Variants in NOS1AP observed in about 807,000 individuals in gnomAD.
NOS1AP encodes the protein nitric oxide synthase 1 adaptor protein, also known as carboxyl-terminal PDZ ligand of neuronal nitric oxide synthase protein.
In NOS1AP, 21 loss-of-function variants were observed where a neutral mutation model predicts 56.2. The ratio of observed to expected loss-of-function variants is 0.37; its 90% CI spans 0.26 to 0.54. NOS1AP has a LOEUF of 0.54. NOS1AP is among the 20% of genes least tolerant of loss of function. NOS1AP has a pLI of 0.84. For missense variants in NOS1AP, 522 were observed against 657.8 expected (o/e 0.79, Z 2.26); for synonymous variants, 270 against 274.6 (o/e 0.98, Z 0.17).
In NOS1AP at chr1:162,368,145, G is replaced by A. The variant is rs1281884279; in HGVS notation, c.*678G>A. 6.6e-6 allele frequency: 1 copy of A among 152,428 alleles called. No individual in the cohort carries two copies. Among genetic ancestry groups the A allele is most frequent in the Non-Finnish European group, 1.5e-5 (1 of 68,150 alleles). The allele number at this position is 152,428 out of a possible 1,614,324, so 9.4% of individuals were successfully genotyped here. A position where few individuals can be genotyped will look rare whatever the true frequency, so the allele number is the denominator to read the frequency against. ...ATGTTGCTACAAAGGGAGCCTTGAA[G>A]CTTTAACATGGTTCAGGCCCTTGGT... On this transcript the variant is annotated 3_prime_UTR_variant, in exon 10 of 10. Transcript: ENST00000361897.
At chr1:162,083,660 G>A (rs145982936) in intron 1 of NOS1AP, among the ~76,000 whole-genome samples, 3 of 152,254 alleles carry the variant, frequency 2.0e-5, no homozygotes, top group South Asian at 2.1e-4. Context: ...TCAAAGTCAC[G>A]TAAATGCATT....
chr1:162,120,118 A>G (rs923248364), intron 1 of NOS1AP, among the ~76,000 whole-genome samples: 11 of 151,766 alleles, frequency 7.2e-5, no homozygotes, highest in African/African-American at 2.7e-4. Flanking sequence ...ATGTATATGT[A>G]TATGATATAT....
At chr1:162,118,794 G>A (rs1457444884) in intron 1 of NOS1AP, among the ~76,000 whole-genome samples, 1 of 152,202 alleles carries the variant, frequency 6.6e-6, no homozygotes, top group Non-Finnish European at 1.5e-5. Flanking sequence ...GGCTGTGCAA[G>A]AGATTGAGGT....
chr1:162,258,140 C>T (rs565725051), intron 2 of NOS1AP, among the ~76,000 whole-genome samples: 2 of 152,292 alleles, frequency 1.3e-5, no homozygotes, highest in South Asian at 4.1e-4. Flanking sequence ...TGCTCAGTCT[C>T]CCTCAGCCCT....
chr1:162,177,661 A>G (rs979054866), intron 2 of NOS1AP, among the ~76,000 whole-genome samples: 2 of 152,204 alleles, frequency 1.3e-5, no homozygotes, highest in Non-Finnish European at 2.9e-5. Context: ...TAACTAAATG[A>G]TGTGATTTTT....
chr1:162,132,396 A>C (rs535560526), intron 1 of NOS1AP, among the ~76,000 whole-genome samples: 1 of 152,382 alleles, frequency 6.6e-6, no homozygotes, highest in South Asian at 2.1e-4. Flanking sequence ...AAGTGATGCT[A>C]GTATGTAAAA....
At chr1:162,127,965 TG>T (rs766846593) in intron 1 of NOS1AP, among the ~76,000 whole-genome samples, 110 of 152,306 alleles carry the variant, frequency 7.2e-4, no homozygotes, top group East Asian at 5.8e-4. Flanking sequence ...GATTTGCTTA[TG>T]TTTTTTTTTG....
At chr1:162,213,809 A>C (rs1288025454) in intron 2 of NOS1AP, among the ~76,000 whole-genome samples, 1 of 152,128 alleles carries the variant, frequency 6.6e-6, no homozygotes, top group Admixed American at 6.5e-5. Context: ...GTAGTTCTGA[A>C]AGGCTCTCTT....
chr1:162,235,772 A>G (rs57227429), intron 2 of NOS1AP, among the ~76,000 whole-genome samples: 2,508 of 152,360 alleles, frequency 0.016, 53 homozygotes, highest in African/African-American at 0.056. Context: ...ACATGGGGCC[A>G]GTGTTCAAGG....
At chr1:162,070,321 G>GT in intron 1 of NOS1AP, 39 bp downstream of exon 1, 1 of 1,535,570 alleles carries the variant, frequency 6.5e-7, no homozygotes, top group Non-Finnish European at 9.0e-7. Flanking sequence ...TGTGGTGGCG[G>GT]TTGGGGGGGC....
intron 5 of NOS1AP, among the ~76,000 whole-genome samples, chr1:162,335,303 C>T (rs935082434): frequency 1.3e-5 from 2 of 152,178 alleles, no homozygotes; most frequent in Non-Finnish European, 2.9e-5. Context: ...TGTTTCCAGT[C>T]AGCCTGGGCG....
At chr1:162,131,157 C>T (rs1011790022) in intron 1 of NOS1AP, among the ~76,000 whole-genome samples, 8 of 152,174 alleles carry the variant, frequency 5.3e-5, no homozygotes, top group East Asian at 3.9e-4. Flanking sequence ...AATGTTTGAA[C>T]GCTTGCTTGT....
chr1:162,234,511 G>A (rs1412066752), intron 2 of NOS1AP, among the ~76,000 whole-genome samples: 1 of 152,112 alleles, frequency 6.6e-6, no homozygotes, highest in African/African-American at 2.4e-5. Flanking sequence ...CATTGTGGCA[G>A]CTCTTCTTCC....
chr1:162,303,227 C>A (rs964605632), intron 4 of NOS1AP, among the ~76,000 whole-genome samples: 1 of 152,146 alleles, frequency 6.6e-6, no homozygotes, highest in Non-Finnish European at 1.5e-5. Context: ...AACAGAATGG[C>A]TGACTCATAT....
At chr1:162,195,402 G>T (rs1216815189) in intron 2 of NOS1AP, among the ~76,000 whole-genome samples, 1 of 151,884 alleles carries the variant, frequency 6.6e-6, no homozygotes, top group East Asian at 1.9e-4. Context: ...CTAGACCCTT[G>T]AAAACACTAG....
intron 2 of NOS1AP, 129 bp downstream of exon 2, chr1:162,154,605 T>C (rs1302816608): frequency 1.4e-6 from 1 of 722,194 alleles, no homozygotes; most frequent in Admixed American, 2.2e-5. Context: ...CTCCTCTCTG[T>C]ACCCTCTAGG....
intron 5 of NOS1AP, among the ~76,000 whole-genome samples, chr1:162,342,238 A>G (rs919460877): frequency 6.6e-6 from 1 of 152,354 alleles, no homozygotes; most frequent in African/African-American, 2.4e-5. Context: ...CCAATGGAGA[A>G]TATCTCTGGA....
chr1:162,197,438 G>A (rs181809070), intron 2 of NOS1AP, among the ~76,000 whole-genome samples: 2 of 152,332 alleles, frequency 1.3e-5, no homozygotes, highest in East Asian at 3.9e-4. Flanking sequence ...GGATGTACTG[G>A]CTGCTATGTT....
intron 2 of NOS1AP, among the ~76,000 whole-genome samples, chr1:162,241,697 C>T (rs1653493137): frequency 1.3e-5 from 2 of 152,132 alleles, no homozygotes; most frequent in Non-Finnish European, 2.9e-5. Context: ...TTAATTCCCA[C>T]ACTGCCTCTA....
Sources: allele counts gnomAD v4.1 joint callset (sites outside exome capture counted in the v4.1 genomes callset), GRCh38; gene constraint gnomAD v4.1.1; transcripts MANE v1.5; gene names NCBI Gene and HGNC (gene_info 2026-07-23, HGNC 2026-07-21).